RBFOX1: variants seen among roughly 807,000 people sequenced by gnomAD.
RBFOX1 encodes the protein RNA binding protein fox-1 homolog 1.
A neutral mutation model predicts 57.7 loss-of-function variants in RBFOX1; 8 were observed. That is an observed-to-expected ratio of 0.14 (90% CI 0.08 to 0.25). RBFOX1 has a LOEUF of 0.25. RBFOX1 is among the 10% of genes least tolerant of loss of function. The pLI is 1.00. For synonymous variants in RBFOX1, 326 were observed against 222.4 expected, an observed-to-expected ratio of 1.47 and a Z score of -4.15; for missense variants, 611 against 548.5, an observed-to-expected ratio of 1.11 and a Z score of -1.14.
intron 4 of RBFOX1, among the ~76,000 whole-genome samples, chr16:7,098,817 A>T (rs2062141445): frequency 6.6e-6 from 1 of 152,074 alleles, no homozygotes; most frequent in Non-Finnish European, 1.5e-5. Context: ...TAATAATTAA[A>T]ATCGTGGTCT....
chr16:7,390,468 C>G (rs1271648131), intron 4 of RBFOX1, among the ~76,000 whole-genome samples: 3 of 152,180 alleles, frequency 2.0e-5, no homozygotes, highest in African/African-American at 7.2e-5. Flanking sequence ...ATCTTCTAAC[C>G]TCTCAAAGCC....
At chr16:5,683,253 G>T (rs2050400118) in intron 3 of RBFOX1, among the ~76,000 whole-genome samples, 1 of 152,040 alleles carries the variant, frequency 6.6e-6, no homozygotes, top group African/African-American at 2.4e-5. Context: ...TAATGTGCAG[G>T]TCTTACCCAA....
At chr16:7,628,755 G>A (rs2060469338) in intron 10 of RBFOX1, among the ~76,000 whole-genome samples, 1 of 152,052 alleles carries the variant, frequency 6.6e-6, no homozygotes, top group African/African-American at 2.4e-5. Context: ...TGGAATTACA[G>A]GCGCCTGCCA....
chr16:5,682,416 T>C (rs1298246971), intron 3 of RBFOX1, among the ~76,000 whole-genome samples: 1 of 152,222 alleles, frequency 6.6e-6, no homozygotes. Context: ...AGGGTCACTC[T>C]ACAATTTATC....
intron 1 of RBFOX1, among the ~76,000 whole-genome samples, chr16:6,124,457 C>T (rs527390376): frequency 3.0e-4 from 46 of 152,266 alleles, no homozygotes; most frequent in Middle Eastern, 6.8e-3. Context: ...GTTATTTCTT[C>T]ACTCCAGACT....
At chr16:5,781,448 A>G (rs1016686739) in intron 3 of RBFOX1, among the ~76,000 whole-genome samples, 1 of 152,244 alleles carries the variant, frequency 6.6e-6, no homozygotes, top group Non-Finnish European at 1.5e-5. Context: ...AAATGCCAGT[A>G]GTAGGCCCAG....
chr16:6,346,399 G>C (rs1487993208), intron 2 of RBFOX1, among the ~76,000 whole-genome samples: 1 of 152,202 alleles, frequency 6.6e-6, no homozygotes, highest in African/African-American at 2.4e-5. Flanking sequence ...CCTAACTTGG[G>C]AATGTGAGTC....
At chr16:5,880,531 G>C (rs959793120) in intron 4 of RBFOX1, among the ~76,000 whole-genome samples, 1 of 152,134 alleles carries the variant, frequency 6.6e-6, no homozygotes, top group African/African-American at 2.4e-5. Context: ...GGAAGATTTG[G>C]GAAGAATAAT....
intron 4 of RBFOX1, among the ~76,000 whole-genome samples, chr16:7,206,053 A>G (rs1194929694): frequency 6.6e-6 from 1 of 152,208 alleles, no homozygotes; most frequent in Non-Finnish European, 1.5e-5. Flanking sequence ...GTTTAGTTTT[A>G]CTTAGACTGA....
At chr16:6,912,780 C>T (rs1055910247) in intron 3 of RBFOX1, among the ~76,000 whole-genome samples, 3 of 151,440 alleles carry the variant, frequency 2.0e-5, no homozygotes, top group African/African-American at 7.3e-5. Flanking sequence ...ACCACACGTG[C>T]CCGCCTAATT....
Position 5,974,967 on chromosome 16 carries a change from C to T in RBFOX1, c.351+107632C>T, listed in dbSNP as rs368826783. Among the ~76,000 whole-genome samples, 9 of 152,210 alleles carry T rather than the reference C, an allele frequency of 5.9e-5. No individual in the cohort carries two copies. The East Asian group carries it at 1.7e-3, about 29-fold the overall frequency. On this transcript the variant is annotated intron_variant, in intron 4 of 19. Coordinates refer to the RBFOX1 transcript ENST00000641259. ...AGGTTGCGGTGAGCAGAGAACACGC[C>T]TTTGCACTCCAGCCTGGGCAACAAG... is the stretch of plus-strand genomic sequence containing the variant.
chr16:6,018,744 G>A (rs1346616673), upstream of RBFOX1, among the ~76,000 whole-genome samples: 1 of 152,176 alleles, frequency 6.6e-6, no homozygotes, highest in Admixed American at 6.5e-5. Flanking sequence ...CGTCTCTAGT[G>A]GGGGATTTGT....
intron 3 of RBFOX1, among the ~76,000 whole-genome samples, chr16:6,885,484 C>G (rs57760371): frequency 0.2 from 30,505 of 152,102 alleles, 3,255 homozygotes; most frequent in East Asian, 0.28. Flanking sequence ...ACTTTCTTGA[C>G]AAAGTCCAGG....
chr16:7,211,391 C>CAAAAAAAAAAA (rs57333413), intron 4 of RBFOX1, among the ~76,000 whole-genome samples: 3 of 83,940 alleles, frequency 3.6e-5, no homozygotes, highest in Non-Finnish European at 6.7e-5. Flanking sequence ...GACTGCCTCT[C>CAAAAAAAAAAA]AAAAAAAAAA....
chr16:7,358,196 G>C (rs1425258957), intron 4 of RBFOX1, among the ~76,000 whole-genome samples: 1 of 152,212 alleles, frequency 6.6e-6, no homozygotes, highest in Non-Finnish European at 1.5e-5. Flanking sequence ...GCTGTCCTGA[G>C]AGGGTTGATA....
intron 3 of RBFOX1, among the ~76,000 whole-genome samples, chr16:5,674,956 G>A (rs2050121329): frequency 6.6e-6 from 1 of 152,056 alleles, no homozygotes; most frequent in Admixed American, 6.6e-5. Context: ...AAACCAGCCT[G>A]GACAACACAG....
intron 4 of RBFOX1, among the ~76,000 whole-genome samples, chr16:7,300,614 G>GT (rs1207792134): frequency 1.7e-5 from 1 of 57,836 alleles, no homozygotes; most frequent in Non-Finnish European, 3.8e-5. Flanking sequence ...CTTATAGAAA[G>GT]TATTTTTTTT....
intron 2 of RBFOX1, among the ~76,000 whole-genome samples, chr16:6,523,774 C>A (rs765151558): frequency 6.6e-6 from 1 of 152,160 alleles, no homozygotes; most frequent in Non-Finnish European, 1.5e-5. Flanking sequence ...CTATTACATC[C>A]TCATGAAATG....
intron 1 of RBFOX1, among the ~76,000 whole-genome samples, chr16:5,267,539 C>A (rs2062891732): frequency 6.6e-6 from 1 of 151,550 alleles, no homozygotes; most frequent in South Asian, 2.1e-4. Context: ...CTGAAGTGAT[C>A]TGCCCACCTC....
Sources: allele counts gnomAD v4.1 joint callset (sites outside exome capture counted in the v4.1 genomes callset), GRCh38; gene constraint gnomAD v4.1.1; transcripts MANE v1.5; gene names NCBI Gene and HGNC (gene_info 2026-07-23, HGNC 2026-07-21).